The following STK32B variants were observed in gnomAD, a reference collection of about 807,000 sequenced individuals.
The protein encoded by STK32B is serine/threonine kinase 32B.
Under a neutral mutation model 52.6 loss-of-function variants are expected in STK32B, and 43 were observed. The observed-to-expected ratio is 0.82, with a 90% CI of 0.64 to 1.05. STK32B has a LOEUF of 1.05. Ranked by LOEUF, STK32B falls within the 50% of genes least tolerant of loss-of-function variation. The pLI, the probability that STK32B is intolerant of heterozygous loss-of-function variation, is 0.00. For synonymous variants in STK32B, 238 were observed against 204.3 expected, an observed-to-expected ratio of 1.17 and a Z score of -1.41; for missense variants, 621 against 534.6, an observed-to-expected ratio of 1.16 and a Z score of -1.59.
intron 3 of STK32B, among the ~76,000 whole-genome samples, chr4:5,299,957 G>T (rs1729447981): frequency 6.6e-6 from 1 of 152,026 alleles, no homozygotes; most frequent in South Asian, 2.1e-4. Context: ...GTATCATTCT[G>T]ATACCGAAAT....
intron 4 of STK32B, among the ~76,000 whole-genome samples, chr4:5,370,164 C>G (rs571687110): frequency 6.6e-6 from 1 of 151,766 alleles, no homozygotes; most frequent in Admixed American, 6.6e-5. Flanking sequence ...CGTGAGCCAC[C>G]ACGCCCGACC....
chr4:5,318,248 G>C (rs138634267), intron 3 of STK32B, among the ~76,000 whole-genome samples: 2,218 of 152,220 alleles, frequency 0.015, 27 homozygotes, highest in South Asian at 0.057. Context: ...GTTTATAGGG[G>C]CTTAGAAAAA....
intron 2 of STK32B, among the ~76,000 whole-genome samples, chr4:5,142,528 C>T (rs1047348683): frequency 2.6e-5 from 4 of 152,192 alleles, no homozygotes; most frequent in African/African-American, 7.2e-5. Flanking sequence ...GCTATATGCA[C>T]ATTTAACAGT....
At chr4:5,302,920 A>G (rs1218638549) in intron 3 of STK32B, among the ~76,000 whole-genome samples, 1 of 152,070 alleles carries the variant, frequency 6.6e-6, no homozygotes, top group Non-Finnish European at 1.5e-5. Context: ...AGGTTGCTGC[A>G]AATGCCACTA....
At position 5,380,944 on chromosome 4, in the gene STK32B, C is replaced by T. The variant is rs1460490430; in HGVS notation, c.435-17263C>T. 6.6e-6 allele frequency among the ~76,000 whole-genome samples: 1 copy of T among 152,168 alleles called. No homozygotes were observed. Among genetic ancestry groups the T allele is most frequent in the Non-Finnish European group, 1.5e-5 (1 of 68,032 alleles). ...CATCATTATCCTCTCCAGCAGCCCA[C>T]CCGTCCTCCCAACTCTCTGGCCCAC... On this transcript the variant is annotated intron_variant, in intron 4 of 11. Transcript: ENST00000282908. The surrounding 1 kb of genome is among the most constrained non-coding windows in gnomAD (Gnocchi z 4.3).
chr4:5,181,071 G>A (rs1396058989), intron 3 of STK32B, among the ~76,000 whole-genome samples: 1 of 152,114 alleles, frequency 6.6e-6, no homozygotes, highest in Admixed American at 6.6e-5. Flanking sequence ...GAGAAAAGCA[G>A]CATGAGTGTT....
chr4:5,344,712 A>G (rs752627733), intron 4 of STK32B, among the ~76,000 whole-genome samples: 11 of 130,700 alleles, frequency 8.4e-5, no homozygotes, highest in Admixed American at 4.6e-4. Context: ...TTTGTCTTTT[A>G]ATCATTAAGA....
At chr4:5,270,151 A>G (rs1010653196) in intron 3 of STK32B, among the ~76,000 whole-genome samples, 4 of 152,132 alleles carry the variant, frequency 2.6e-5, no homozygotes, top group Admixed American at 1.3e-4. Flanking sequence ...CTCTAGAGGG[A>G]CAGAATGAAT....
intron 4 of STK32B, among the ~76,000 whole-genome samples, chr4:5,358,180 C>T (rs780297891): frequency 1.3e-5 from 2 of 152,134 alleles, no homozygotes; most frequent in Admixed American, 6.5e-5. Context: ...AAATTGCACC[C>T]GCAATTGGGT....
intron 1 of STK32B, among the ~76,000 whole-genome samples, chr4:5,131,052 G>T (rs2108821206): frequency 6.6e-6 from 1 of 152,260 alleles, no homozygotes; most frequent in East Asian, 1.9e-4. Flanking sequence ...TGTCTGCCAG[G>T]ACCTGGGCAT....
At chr4:5,188,017 G>A (rs902745230) in intron 3 of STK32B, among the ~76,000 whole-genome samples, 25 of 152,102 alleles carry the variant, frequency 1.6e-4, no homozygotes, top group African/African-American at 5.6e-4. Flanking sequence ...TGTAGGGCGC[G>A]CCTACAGCTC....
intron 11 of STK32B, among the ~76,000 whole-genome samples, chr4:5,483,748 C>CA (rs1268836508): frequency 2.5e-4 from 38 of 152,122 alleles, no homozygotes; most frequent in African/African-American, 8.7e-4. Flanking sequence ...TCCCTCTACA[C>CA]ACTGCTTTGA....
At chr4:5,329,096 G>C (rs1429094320) in intron 3 of STK32B, among the ~76,000 whole-genome samples, 1 of 152,186 alleles carries the variant, frequency 6.6e-6, no homozygotes, top group African/African-American at 2.4e-5. Flanking sequence ...GGAATATTGG[G>C]AACGTCCTGG....
At chr4:5,340,126 T>C (rs1732977256) in intron 4 of STK32B, among the ~76,000 whole-genome samples, 1 of 152,212 alleles carries the variant, frequency 6.6e-6, no homozygotes, top group South Asian at 2.1e-4. Context: ...CTTCATACTT[T>C]AAACGCCCAT....
chr4:5,451,009 T>G (rs1001465), intron 7 of STK32B, among the ~76,000 whole-genome samples: 1 of 152,036 alleles, frequency 6.6e-6, no homozygotes, highest in Non-Finnish European at 1.5e-5. Flanking sequence ...GTCACTTAAC[T>G]TCATCTGAGC....
chr4:5,439,435 C>T (rs1392399634), intron 6 of STK32B, among the ~76,000 whole-genome samples: 1 of 151,834 alleles, frequency 6.6e-6, no homozygotes, highest in Admixed American at 6.6e-5. Flanking sequence ...CCTTCGCCCA[C>T]TTTTTGATGG....
At chr4:5,393,500 TG>T (rs1296818555) in intron 4 of STK32B, among the ~76,000 whole-genome samples, 3 of 152,176 alleles carry the variant, frequency 2.0e-5, no homozygotes, top group Non-Finnish European at 4.4e-5. Context: ...ACAGGAAGCA[TG>T]GCAGCATCTG....
At chr4:5,414,356 A>AT (rs1477251639) in intron 5 of STK32B, among the ~76,000 whole-genome samples, 1,028 of 100,504 alleles carry the variant, frequency 0.01, 7 homozygotes, top group African/African-American at 0.026. Flanking sequence ...TTGGAGGAAC[A>AT]CCTTGTAATC....
At chr4:5,211,841 A>T (rs977556011) in intron 3 of STK32B, among the ~76,000 whole-genome samples, 2 of 152,172 alleles carry the variant, frequency 1.3e-5, no homozygotes, top group Non-Finnish European at 2.9e-5. Context: ...CTCTAAAATG[A>T]TCAAGCGACA....
Sources: gnomAD v4.1 joint callset for allele counts (sites outside exome capture counted in the v4.1 genomes callset) on GRCh38, gnomAD v4.1.1 for gene constraint, Gnocchi (gnomAD v3.1) non-coding constraint, MANE v1.5 for transcripts, NCBI Gene and HGNC (gene_info 2026-07-23, HGNC 2026-07-21) for gene names.